The following THSD7B variants were observed in gnomAD, a reference collection of about 807,000 sequenced individuals.
The protein encoded by THSD7B is thrombospondin type-1 domain-containing protein 7B.
A neutral mutation model predicts 213.6 loss-of-function variants in THSD7B; 138 were observed. That is an observed-to-expected ratio of 0.65 (90% CI 0.56 to 0.74). The LOEUF is 0.74. Ranked by LOEUF, THSD7B falls within the 30% of genes least tolerant of loss-of-function variation. THSD7B has a pLI of 0.00. For synonymous variants in THSD7B, 742 were observed against 687.0 expected (o/e 1.08, Z -1.25); for missense variants, 1,931 against 1,991.5 (o/e 0.97, Z 0.58).
chr2:137,555,669 A>G (rs560919081), intron 15 of THSD7B, among the ~76,000 whole-genome samples: 65 of 152,330 alleles, frequency 4.3e-4, no homozygotes, highest in African/African-American at 1.4e-3. Flanking sequence ...GCTCCTCACC[A>G]GCAACGGAAC....
chr2:137,597,672 A>G (rs1190727269), intron 17 of THSD7B, among the ~76,000 whole-genome samples: 1 of 152,102 alleles, frequency 6.6e-6, no homozygotes, highest in Non-Finnish European at 1.5e-5. Context: ...TCAATGAAGT[A>G]TATTATGTTT....
At chr2:136,793,876 A>G (rs564443225) in intron 1 of THSD7B, among the ~76,000 whole-genome samples, 2 of 151,666 alleles carry the variant, frequency 1.3e-5, no homozygotes, top group Non-Finnish European at 3.0e-5. Flanking sequence ...AAATGTTGGG[A>G]GGCATTCATT....
chr2:137,030,402 G>A (rs941890203), intron 2 of THSD7B, among the ~76,000 whole-genome samples: 5 of 152,182 alleles, frequency 3.3e-5, no homozygotes, highest in Non-Finnish European at 7.3e-5. Context: ...GTATGGCCCA[G>A]TAGGCACGAG....
chr2:137,565,457 A>C (rs998843963), intron 16 of THSD7B, among the ~76,000 whole-genome samples: 1 of 152,168 alleles, frequency 6.6e-6, no homozygotes, highest in Non-Finnish European at 1.5e-5. Context: ...TGCTTTTACA[A>C]CAGTCAACTC....
chr2:137,573,359 G>A (rs972872931), intron 17 of THSD7B, among the ~76,000 whole-genome samples: 1 of 152,010 alleles, frequency 6.6e-6, no homozygotes, highest in African/African-American at 2.4e-5. Context: ...GAAAATCTCT[G>A]TATGGAAATG....
chr2:137,397,017 G>A (rs1313035742), intron 12 of THSD7B, among the ~76,000 whole-genome samples: 1 of 140,432 alleles, frequency 7.1e-6, no homozygotes, highest in East Asian at 2.0e-4. Flanking sequence ...CATTTTCTTG[G>A]TAGTTCTTCC....
At chr2:137,201,024 T>A (rs963350436) in intron 7 of THSD7B, among the ~76,000 whole-genome samples, 1 of 152,196 alleles carries the variant, frequency 6.6e-6, no homozygotes, top group Non-Finnish European at 1.5e-5. Flanking sequence ...TTTTGAACTT[T>A]ATGTAGATGT....
At chr2:136,893,256 A>G (rs368940652) in intron 2 of THSD7B, among the ~76,000 whole-genome samples, 1 of 152,218 alleles carries the variant, frequency 6.6e-6, no homozygotes, top group African/African-American at 2.4e-5. Context: ...TTAAAACTTC[A>G]AAAAACCTAA....
At chr2:137,352,173 A>G (rs1012792817) in intron 12 of THSD7B, among the ~76,000 whole-genome samples, 1 of 151,756 alleles carries the variant, frequency 6.6e-6, no homozygotes, top group Middle Eastern at 3.2e-3. Context: ...GAGGAGGAGG[A>G]GGAGGAGGGA....
At chr2:137,559,316 C>G (rs1226488148) in intron 15 of THSD7B, among the ~76,000 whole-genome samples, 7 of 152,180 alleles carry the variant, frequency 4.6e-5, no homozygotes, top group African/African-American at 1.7e-4. Flanking sequence ...TCAAACTATA[C>G]TGCAAGGCTA....
rs180996815 is a variant in THSD7B at position 136,985,211 on chromosome 2, T to C, written c.140-71209T>C. On this transcript the variant is annotated intron_variant, in intron 2 of 27. Coordinates refer to ENST00000409968, the MANE Select transcript of THSD7B (RefSeq NM_001316349.2). ...CTACTTGCTAGAGAGATTAGCAGGA[T>C]TGGAAGGGAGCCAGGTGTTAATAGC... is the stretch of plus-strand genomic sequence containing the variant. Among the ~76,000 whole-genome samples the C allele has an allele frequency of 8.5e-5, 13 of 152,230 alleles. No homozygotes were observed. In the East Asian group the frequency reaches 2.5e-3, roughly 29 times the overall value.
chr2:136,950,802 G>A (rs1309299590), intron 2 of THSD7B, among the ~76,000 whole-genome samples: 1 of 152,220 alleles, frequency 6.6e-6, no homozygotes, highest in Admixed American at 6.5e-5. Context: ...TTTACATTTC[G>A]TTTCAGGGAT....
chr2:136,906,936 G>GTTTTTTTTT lies in THSD7B; in HGVS notation c.139+24640_139+24648dup, dbSNP rs57887270. Reference sequence around the variant, plus strand: ...ATTCATAGATTCCTTACATTTCAAGGTTTTTTTTTTTTTTTTTTTTTTTTT... The same window carrying GTTTTTTTTT: ...ATTCATAGATTCCTTACATTTCAAGGTTTTTTTTTTTTTTTTTTTTTTTTTTTTTTTTTT... On this transcript the variant is annotated intron_variant, in intron 2 of 27. Transcript: ENST00000409968. Among the ~76,000 whole-genome samples the GTTTTTTTTT allele has an allele frequency of 1.3e-3, 70 of 55,126 alleles. 12 individuals carry two copies. The highest frequency in any genetic ancestry group is 4.7e-3 in the African/African-American group (53 of 11,280). The allele number at this position is 55,126 out of a possible 152,430, so 36.2% of individuals were successfully genotyped here.
At chr2:137,555,108 C>G (rs992076557) in intron 15 of THSD7B, among the ~76,000 whole-genome samples, 1 of 152,196 alleles carries the variant, frequency 6.6e-6, no homozygotes. Context: ...GTAGACTCCA[C>G]CTCTAGGGGC....
At chr2:137,353,860 A>G (rs1386152014) in intron 12 of THSD7B, among the ~76,000 whole-genome samples, 1 of 152,122 alleles carries the variant, frequency 6.6e-6, no homozygotes, top group Non-Finnish European at 1.5e-5. Flanking sequence ...AATGAGGTAG[A>G]GTAGGCTTTG....
intron 7 of THSD7B, among the ~76,000 whole-genome samples, chr2:137,214,064 T>A (rs1681179568): frequency 2.0e-5 from 3 of 152,134 alleles, no homozygotes; most frequent in Non-Finnish European, 4.4e-5. Flanking sequence ...TTCATGCCAG[T>A]GTGTTTCAGG....
chr2:137,472,981 T>A (rs1688121952), intron 15 of THSD7B, among the ~76,000 whole-genome samples: 1 of 152,168 alleles, frequency 6.6e-6, no homozygotes, highest in Non-Finnish European at 1.5e-5. Context: ...ATTTTAAAAG[T>A]TTTTATGTAC....
intron 12 of THSD7B, among the ~76,000 whole-genome samples, chr2:137,337,762 T>C (rs1684672918): frequency 6.6e-6 from 1 of 152,126 alleles, no homozygotes; most frequent in South Asian, 2.1e-4. Flanking sequence ...TTGTCTCTTC[T>C]TTCCTATGTA....
intron 1 of THSD7B, among the ~76,000 whole-genome samples, chr2:136,852,396 A>C (rs1683113730): frequency 6.6e-6 from 1 of 152,200 alleles, no homozygotes; most frequent in South Asian, 2.1e-4. Context: ...TCCTTCTACA[A>C]GGAACTGAAT....
Sources: gnomAD v4.1 joint callset for allele counts (sites outside exome capture counted in the v4.1 genomes callset) on GRCh38, gnomAD v4.1.1 for gene constraint, MANE v1.5 for transcripts, NCBI Gene and HGNC (gene_info 2026-07-23, HGNC 2026-07-21) for gene names.